Variants in LIPA observed in about 807,000 individuals in gnomAD.
The protein encoded by LIPA is lipase A, lysosomal acid type.
A neutral mutation model predicts 40.6 loss-of-function variants in LIPA; 26 were observed. The ratio of observed to expected loss-of-function variants is 0.64; its 90% CI spans 0.47 to 0.89. The LOEUF (loss-of-function observed/expected upper bound fraction) is 0.89. Among genes scored for constraint, LIPA ranks in the 40% least tolerant of loss-of-function variants. LIPA has a pLI of 0.00. For missense variants in LIPA, 455 were observed against 479.6 expected, an observed-to-expected ratio of 0.95 and a Z score of 0.48; for synonymous variants, 188 against 168.4, an observed-to-expected ratio of 1.12 and a Z score of -0.90.
At chr10:89,384,408 A>C in intron 2 of LIPA, 1 of 1,614,186 alleles carries the variant, frequency 6.2e-7, no homozygotes, top group Non-Finnish European at 8.5e-7. Flanking sequence ...ATTTTCAGAA[A>C]GGGTTACGCA....
At chr10:89,278,699 A>G (rs1465509572) in intron 1 of LIPA, among the ~76,000 whole-genome samples, 1 of 152,190 alleles carries the variant, frequency 6.6e-6, no homozygotes, top group African/African-American at 2.4e-5. Flanking sequence ...GAAGTCTCAT[A>G]AAATATAATT....
chr10:89,265,215 G>A (rs949863531), intron 1 of LIPA, among the ~76,000 whole-genome samples: 14 of 138,416 alleles, frequency 1.0e-4, no homozygotes, highest in African/African-American at 3.4e-4. Context: ...GGTGCAGGGG[G>A]TTGGGGAGTG....
intron 1 of LIPA, chr10:89,307,658 T>C: frequency 3.2e-6 from 1 of 310,600 alleles, no homozygotes; most frequent in Non-Finnish European, 6.0e-6. Flanking sequence ...AACATTTGCT[T>C]AGTCACCTTT....
intron 1 of LIPA, among the ~76,000 whole-genome samples, chr10:89,314,142 A>G (rs1843530001): frequency 6.6e-6 from 1 of 152,174 alleles, no homozygotes; most frequent in African/African-American, 2.4e-5. Context: ...TATTAGTAGC[A>G]TTTTGAATAC....
At chr10:89,247,783 A>T in intron 1 of LIPA, 134 bp from the exon 2 acceptor site, 2 of 673,792 alleles carry the variant, frequency 3.0e-6, no homozygotes, top group Non-Finnish European at 5.4e-6. Context: ...ATATGAAACA[A>T]ATGACTCCAG....
At chr10:89,405,017 T>C (rs1398297873) in intron 2 of LIPA, 1 of 152,022 alleles carries the variant, frequency 6.6e-6, no homozygotes, top group Non-Finnish European at 1.5e-5. Context: ...GTCAACACTA[T>C]CAATAAATAG....
chr10:89,364,153 C>G (rs1485784703), intron 2 of LIPA, among the ~76,000 whole-genome samples: 1 of 152,168 alleles, frequency 6.6e-6, no homozygotes, highest in Non-Finnish European at 1.5e-5. Context: ...AGCTCAACTC[C>G]CACTTTTTGG....
upstream of LIPA, among the ~76,000 whole-genome samples, chr10:89,345,326 C>A (rs915959585): frequency 1.1e-4 from 16 of 149,130 alleles, no homozygotes; most frequent in African/African-American, 2.5e-5. Flanking sequence ...GTCAGGAGTT[C>A]AAGACCAGCC....
chr10:89,239,302 C>T (rs1564761451), intron 3 of LIPA, among the ~76,000 whole-genome samples: 1 of 152,230 alleles, frequency 6.6e-6, no homozygotes, highest in Non-Finnish European at 1.5e-5. Flanking sequence ...TGTGTGACTC[C>T]TGCCTTCACT....
intron 2 of LIPA, among the ~76,000 whole-genome samples, chr10:89,387,367 C>G (rs1046495950): frequency 7.2e-5 from 11 of 151,748 alleles, no homozygotes; most frequent in Admixed American, 5.9e-4. Context: ...TCACCATACC[C>G]TGGGAACATA....
intron 2 of LIPA, among the ~76,000 whole-genome samples, chr10:89,351,146 T>C (rs537301093): frequency 8.2e-4 from 124 of 152,124 alleles, no homozygotes; most frequent in Middle Eastern, 3.4e-3. Context: ...CAAAACCATG[T>C]CTCTATAAAA....
At chr10:89,355,166 A>T (rs940471797) in intron 2 of LIPA, among the ~76,000 whole-genome samples, 17 of 152,224 alleles carry the variant, frequency 1.1e-4, no homozygotes, top group Admixed American at 3.3e-4. Flanking sequence ...CGGCTATCAA[A>T]CTTTTATGTC....
chr10:89,293,382 GC>G (rs1843387916), intron 1 of LIPA, among the ~76,000 whole-genome samples: 1 of 152,116 alleles, frequency 6.6e-6, no homozygotes, highest in African/African-American at 2.4e-5. Flanking sequence ...CTTAACAGCA[GC>G]AGCCAGATCC....
intron 1 of LIPA, among the ~76,000 whole-genome samples, chr10:89,323,193 G>A (rs1416813505): frequency 1.3e-5 from 2 of 152,050 alleles, no homozygotes; most frequent in East Asian, 1.9e-4. Context: ...CTGAAACCAC[G>A]TGATCATCTC....
chr10:89,329,081 AAG>A (rs1843625361), intron 1 of LIPA, among the ~76,000 whole-genome samples: 1 of 152,148 alleles, frequency 6.6e-6, no homozygotes, highest in African/African-American at 2.4e-5. Context: ...AGGGAGAACT[AAG>A]AGAAAAGGAT....
In LIPA at chr10:89,412,698, G is replaced by A. The variant is rs914953747; in HGVS notation, c.61+93C>T. 7.3e-5 allele frequency: 31 copies of A among 422,696 alleles called. 1 individual carries two copies. The highest frequency in any genetic ancestry group is 7.1e-4 in the Admixed American group (26 of 36,588). The allele number at this position is 422,696 out of a possible 1,614,324, so 26.2% of individuals were successfully genotyped here. ...AAACCACGAACCCACCGGGAGGAAC[G>A]AACAACTCCGGACGCGCCACCTTTA... On this transcript the variant is annotated intron_variant, in intron 2 of 8. Transcript: ENST00000371837.
At chr10:89,394,786 A>G (rs529211676) in intron 2 of LIPA, among the ~76,000 whole-genome samples, 18 of 152,044 alleles carry the variant, frequency 1.2e-4, no homozygotes, top group African/African-American at 4.3e-4. Context: ...ATCTAGTTCA[A>G]GAACATTTTT....
chr10:89,372,707 C>T (rs1204499084), intron 2 of LIPA, among the ~76,000 whole-genome samples: 4 of 152,214 alleles, frequency 2.6e-5, no homozygotes, highest in Non-Finnish European at 5.9e-5. Context: ...CCTTAAACCT[C>T]TGTGGGTTTC....
At chr10:89,346,956 A>T (rs553048210), upstream of LIPA, among the ~76,000 whole-genome samples, 34 of 152,356 alleles carry the variant, frequency 2.2e-4, no homozygotes, top group Admixed American at 1.0e-3. Context: ...TTGGTCTCCC[A>T]GAGGGAGCTG....
Sources: allele counts gnomAD v4.1 joint callset (sites outside exome capture counted in the v4.1 genomes callset), GRCh38; gene constraint gnomAD v4.1.1; transcripts MANE v1.5; gene names NCBI Gene and HGNC (gene_info 2026-07-23, HGNC 2026-07-21).